The following SRPRB variants were observed in gnomAD, a reference collection of about 807,000 sequenced individuals.
The protein encoded by SRPRB is signal recognition particle receptor subunit beta.
SRPRB carries 20 observed loss-of-function variants against 31.9 expected under a neutral mutation model. The ratio of observed to expected loss-of-function variants is 0.63; its 90% confidence interval spans 0.44 to 0.91. SRPRB has a LOEUF of 0.91. SRPRB is among the 40% of genes least tolerant of loss of function. The pLI, the probability that SRPRB is intolerant of heterozygous loss-of-function variation, is 0.00. For missense variants in SRPRB, 321 were observed against 324.9 expected, an observed-to-expected ratio of 0.99 and a Z score of 0.09; for synonymous variants, 146 against 132.8, an observed-to-expected ratio of 1.10 and a Z score of -0.68.
At chr3:133,811,228 G>T (rs1344870954) in intron 4 of SRPRB, 29 bp downstream of exon 4, 2 of 1,606,296 alleles carry the variant, frequency 1.2e-6, no homozygotes, top group African/African-American at 2.7e-5. Context: ...AAGTGGGCTT[G>T]TCTAGGTCTG....
At chr3:133,814,690 C>T (rs777809142) in intron 4 of SRPRB, among the ~76,000 whole-genome samples, 1 of 152,126 alleles carries the variant, frequency 6.6e-6, no homozygotes, top group Non-Finnish European at 1.5e-5. Context: ...CTGCCTGTCT[C>T]GGCCCCCCAA....
In SRPRB at chr3:133,819,775, T is replaced by C. The variant is rs1416082570; in HGVS notation, c.*9T>C. 1 of 1,613,084 alleles carries C rather than the reference T, an allele frequency of 6.2e-7. No individual in the cohort carries two copies. The highest frequency in any genetic ancestry group is 8.5e-7 in the Non-Finnish European group (1 of 1,179,602). Reference sequence around the variant, plus strand: ...TGGCTAAAATTGCCTGAGAGGCAGCTCTAAAGCACAAGACCTGGATGTGTG... The same window carrying C: ...TGGCTAAAATTGCCTGAGAGGCAGCCCTAAAGCACAAGACCTGGATGTGTG... On this transcript the variant is annotated 3_prime_UTR_variant, in exon 7 of 7. Coordinates refer to ENST00000678299, the MANE Select transcript of SRPRB (RefSeq NM_001379313.1).
upstream of SRPRB, among the ~76,000 whole-genome samples, chr3:133,804,095 CAAAAAAA>C (rs1205426598): frequency 2.4e-4 from 14 of 58,274 alleles, no homozygotes; most frequent in Admixed American, 4.3e-4. Context: ...GACTCTGTCT[CAAAAAAA>C]AAAAAAAAAA....
chr3:133,807,429 T>A (rs977950119), intron 2 of SRPRB, among the ~76,000 whole-genome samples: 3 of 152,054 alleles, frequency 2.0e-5, no homozygotes, highest in African/African-American at 7.2e-5. Context: ...ATTTTTTATA[T>A]TTTTTGTAGA....
chr3:133,821,766 T>C (rs1286507842), downstream of SRPRB, among the ~76,000 whole-genome samples: 1 of 152,224 alleles, frequency 6.6e-6, no homozygotes, highest in African/African-American at 2.4e-5. Context: ...GCCTCAGGAA[T>C]CTGCATGCTT....
chr3:133,796,797 C>T (rs140758680), intron 1 of SRPRB, among the ~76,000 whole-genome samples: 2 of 152,266 alleles, frequency 1.3e-5, no homozygotes, highest in African/African-American at 4.8e-5. Flanking sequence ...GAAGTGCACA[C>T]AGTATGTTAA....
In SRPRB at chr3:133,819,763, C is replaced by T; in HGVS notation, c.813C>T (p.Ala271=). 1 of 1,613,802 alleles carries T rather than the reference C, an allele frequency of 6.2e-7. No homozygotes were observed. Among genetic ancestry groups the T allele is most frequent in the African/African-American group, 1.3e-5 (1 of 75,042 alleles). ...QDLEKWLAKI[A] ...TGGAGAAATGGCTGGCTAAAATTGC[C>T]TGAGAGGCAGCTCTAAAGCACAAGA... The change falls in exon 7 of 7, where the codon GCC becomes GCT. Residue 271 remains alanine, a synonymous_variant. Transcript: ENST00000678299.
intron 1 of SRPRB, chr3:133,784,506 ATAG>A (rs1213668200): frequency 2.0e-5 from 3 of 149,906 alleles, no homozygotes; most frequent in East Asian, 1.9e-4. Context: ...AATAATAATA[ATAG>A]GACATAAATG....
rs1935254081 is a variant in SRPRB, at chr3:133,811,078, A to C, written c.328-39A>C. The C allele has an allele frequency of 2.5e-6, 4 of 1,597,568 alleles. No individual in the cohort carries two copies. The East Asian group carries it at 8.9e-5, about 36-fold the overall frequency. ...TAAAGGTTTATATTGTGAACGTGGA[A>C]CTGTATTGAAACGTTAATGTTATTG... On this transcript the variant is annotated intron_variant, in intron 3 of 6. Coordinates refer to ENST00000678299, the MANE Select transcript of SRPRB (RefSeq NM_001379313.1).
chr3:133,784,480 T>G (rs201449317), intron 1 of SRPRB: 1 of 127,132 alleles, frequency 7.9e-6, no homozygotes. Flanking sequence ...AAAATAATAA[T>G]AATAATAATA....
intron 1 of SRPRB, chr3:133,795,768 G>A (rs1367435509): frequency 6.6e-6 from 1 of 151,920 alleles, no homozygotes; most frequent in Non-Finnish European, 1.5e-5. Context: ...AGTGGAGACG[G>A]GGTTTCACCA....
At position 133,815,460 on chromosome 3, in the gene SRPRB, C is replaced by T. The variant is rs891418960; in HGVS notation, c.411-130C>T. On this transcript the variant is annotated intron_variant, in intron 4 of 6. Transcript: ENST00000678299. ...TTTATGTTATATGATAACATATGCA[C>T]AGACCTGCATGTGTGTCTGCTGAGT... 4 of 1,046,010 alleles carry T rather than the reference C, an allele frequency of 3.8e-6. No individual in the cohort carries two copies. The African/African-American group carries it at 4.7e-5, about 12-fold the overall frequency. The allele number at this position is 1,046,010 out of a possible 1,614,324, so 64.8% of individuals were successfully genotyped here. A position where few individuals can be genotyped will look rare whatever the true frequency, so the allele number is the denominator to read the frequency against.
chr3:133,826,737 T>C (rs1244873582), downstream of SRPRB: 2 of 152,654 alleles, frequency 1.3e-5, no homozygotes, highest in Non-Finnish European at 2.9e-5. Flanking sequence ...TGCATTATTT[T>C]ATTGATGGCA....
At chr3:133,788,793 G>A (rs1462774536) in intron 1 of SRPRB, 1 of 152,168 alleles carries the variant, frequency 6.6e-6, no homozygotes, top group East Asian at 1.9e-4. Context: ...CGCAGCTCAG[G>A]GCAAACTTGC....
downstream of SRPRB, chr3:133,824,695 G>A (rs1373960991): frequency 2.0e-5 from 3 of 152,166 alleles, no homozygotes; most frequent in African/African-American, 4.8e-5. Flanking sequence ...AGTAGACTTG[G>A]GGACTGGCCC....
intron 1 of SRPRB, chr3:133,794,688 T>G (rs1243347232): frequency 6.6e-6 from 1 of 152,196 alleles, no homozygotes; most frequent in East Asian, 1.9e-4. Flanking sequence ...CTCCACACTC[T>G]TGGAACTGTA....
intron 6 of SRPRB, among the ~76,000 whole-genome samples, chr3:133,817,431 GACT>G (rs1172310982): frequency 6.6e-6 from 1 of 152,208 alleles, no homozygotes; most frequent in Non-Finnish European, 1.5e-5. Flanking sequence ...CACTGAGGAA[GACT>G]ACAAGTCTTT....
chr3:133,786,204 A>T, intron 1 of SRPRB: 1 of 39,060 alleles, frequency 2.6e-5, no homozygotes, highest in Admixed American at 4.4e-4. Context: ...CCCAAGAATT[A>T]TCAATAAAAA....
rs973589236 is a variant in SRPRB, at chr3:133,819,938, T to A, written c.*172T>A. The A allele has an allele frequency of 3.0e-5, 17 of 568,132 alleles. No homozygotes were observed. Among genetic ancestry groups the A allele is most frequent in the East Asian group, 1.3e-4 (4 of 31,910 alleles). The allele number at this position is 568,132 out of a possible 1,614,324, so 35.2% of individuals were successfully genotyped here. On this transcript the variant is annotated 3_prime_UTR_variant, in exon 7 of 7. Transcript: ENST00000678299. ...TTGGAATTTTTTTTTTTTTTTTTTT[T>A]AAGTTCAGTTCTCCCTTATGGCTGC...
Sources: gnomAD v4.1 joint callset for allele counts (sites outside exome capture counted in the v4.1 genomes callset) on GRCh38, gnomAD v4.1.1 for gene constraint, MANE v1.5 for transcripts, NCBI Gene and HGNC (gene_info 2026-07-23, HGNC 2026-07-21) for gene names.